Variants in FBXL13 observed in about 807,000 individuals in gnomAD.
FBXL13 encodes F-box and leucine rich repeat protein 13, also known as F-box and leucine-rich repeat protein 13.
FBXL13 carries 67 observed loss-of-function variants against 83.6 expected under a neutral mutation model. That is an observed-to-expected ratio of 0.80 (90% CI 0.66 to 0.98). The LOEUF (loss-of-function observed/expected upper bound fraction) is 0.98, where lower values mean the gene tolerates loss of function less well. Among genes scored for constraint, FBXL13 ranks in the 50% least tolerant of loss-of-function variants. The pLI is 0.00. For synonymous variants in FBXL13, 272 were observed against 299.5 expected (o/e 0.91, Z 0.95); for missense variants, 822 against 866.5 (o/e 0.95, Z 0.64).
At chr7:102,854,909 G>A (rs1178606594) in intron 16 of FBXL13, 49 bp from the exon 18 acceptor site, 5 of 1,083,270 alleles carry the variant, frequency 4.6e-6, no homozygotes, top group Middle Eastern at 2.3e-4. Context: ...ATTTAGTATG[G>A]AATATATAGT....
intron 16 of FBXL13, among the ~76,000 whole-genome samples, chr7:102,869,228 A>G (rs1375578629): frequency 6.6e-6 from 1 of 152,162 alleles, no homozygotes; most frequent in East Asian, 1.9e-4. Flanking sequence ...CCCTGGTGTT[A>G]ATGATGTTGA....
At chr7:103,015,371 G>T (rs534066621) in intron 6 of FBXL13, among the ~76,000 whole-genome samples, 6 of 152,150 alleles carry the variant, frequency 3.9e-5, no homozygotes, top group Admixed American at 3.9e-4. Context: ...AGAAATAAAA[G>T]ATGCTCAAAG....
chr7:103,002,225 G>A (rs375666171), intron 6 of FBXL13, among the ~76,000 whole-genome samples: 2 of 152,060 alleles, frequency 1.3e-5, no homozygotes, highest in African/African-American at 4.8e-5. Flanking sequence ...AAATCTTATA[G>A]AAATGGCAAG....
chr7:102,909,351 T>A (rs531893114), intron 11 of FBXL13, among the ~76,000 whole-genome samples: 1 of 152,250 alleles, frequency 6.6e-6, no homozygotes, highest in Non-Finnish European at 1.5e-5. Flanking sequence ...AGTCAAGTCC[T>A]GGAATCGCGG....
chr7:102,979,986 C>T (rs1359096369), intron 6 of FBXL13, among the ~76,000 whole-genome samples: 1 of 152,074 alleles, frequency 6.6e-6, no homozygotes, highest in Non-Finnish European at 1.5e-5. Context: ...ACCATTCTAT[C>T]AAATATCCAA....
chr7:102,848,273 G>GTGTGTACGGATATTATATAA (rs1299866637), intron 17 of FBXL13, among the ~76,000 whole-genome samples: 6 of 116,164 alleles, frequency 5.2e-5, no homozygotes, highest in South Asian at 2.7e-4. Context: ...ATACACATTC[G>GTGTGTACGGATATTATATAA]AGGCCGGGCG....
At chr7:102,985,158 C>T (rs1278416635) in intron 6 of FBXL13, among the ~76,000 whole-genome samples, 1 of 152,188 alleles carries the variant, frequency 6.6e-6, no homozygotes, top group Non-Finnish European at 1.5e-5. Context: ...GGCTTCATAC[C>T]CACACCACTG....
At chr7:102,922,386 C>T (rs1817225375) in intron 10 of FBXL13, among the ~76,000 whole-genome samples, 1 of 151,730 alleles carries the variant, frequency 6.6e-6, no homozygotes, top group Non-Finnish European at 1.5e-5. Flanking sequence ...TCAAATCATG[C>T]AAATGCAAAA....
intron 6 of FBXL13, among the ~76,000 whole-genome samples, chr7:102,977,307 T>C (rs1827615119): frequency 6.6e-6 from 1 of 152,362 alleles, no homozygotes; most frequent in Middle Eastern, 3.4e-3. Context: ...AAAACAAATG[T>C]GCGTGGCAAT....
At chr7:102,973,854 T>C (rs1585199611) in intron 6 of FBXL13, 2 of 700,054 alleles carry the variant, frequency 2.9e-6, no homozygotes, top group East Asian at 5.4e-5. Context: ...CCAACATTGG[T>C]CCAAGAAGGC....
intron 8 of FBXL13, among the ~76,000 whole-genome samples, chr7:102,953,157 G>A (rs1310608153): frequency 2.0e-5 from 3 of 152,144 alleles, no homozygotes; most frequent in Admixed American, 1.3e-4. Flanking sequence ...CTCATTCGAT[G>A]AAGCCAATAT....
In FBXL13 at chr7:102,985,810, T is replaced by G. The variant is rs533774616; in HGVS notation, c.496-17693A>C. On this transcript the variant is annotated intron_variant, in intron 6 of 19. Coordinates refer to ENST00000313221, the Ensembl canonical transcript of FBXL13. The stretch of plus-strand genomic sequence containing the variant: ...TCATGTAATGGGGGAAAAACAACAT[T>G]TAGATTCAAACAAACCCAATCTCAA... Among the ~76,000 whole-genome samples, 4 of 152,272 alleles carry G rather than the reference T, an allele frequency of 2.6e-5. No individual in the cohort carries two copies. The South Asian group carries it at 8.3e-4, about 32-fold the overall frequency.
At chr7:102,821,318 G>A (rs1161974871) in intron 19 of FBXL13, among the ~76,000 whole-genome samples, 3 of 152,126 alleles carry the variant, frequency 2.0e-5, no homozygotes, top group Non-Finnish European at 4.4e-5. Context: ...CTGCAGGCCT[G>A]GGCCCAGTGG....
intron 2 of FBXL13, among the ~76,000 whole-genome samples, chr7:103,036,724 C>A (rs548997333): frequency 6.6e-6 from 1 of 152,240 alleles, no homozygotes; most frequent in South Asian, 2.1e-4. Flanking sequence ...GTTGCCCAGG[C>A]TGCTCTTGAA....
intron 11 of FBXL13, among the ~76,000 whole-genome samples, chr7:102,895,492 C>T (rs534284633): frequency 1.8e-4 from 27 of 152,352 alleles, no homozygotes; most frequent in African/African-American, 6.3e-4. Context: ...TCTTCTCCAA[C>T]TCCACATTCA....
chr7:102,973,400 G>A, intron 6 of FBXL13: 2 of 694,140 alleles, frequency 2.9e-6, no homozygotes, highest in Non-Finnish European at 5.3e-6. Flanking sequence ...CGAGAAACAG[G>A]CCATCTGGGT....
At chr7:103,037,082 A>G (rs1795144705) in intron 2 of FBXL13, among the ~76,000 whole-genome samples, 1 of 152,220 alleles carries the variant, frequency 6.6e-6, no homozygotes, top group African/African-American at 2.4e-5. Context: ...ATATCATATC[A>G]TTATTATATG....
intron 19 of FBXL13, among the ~76,000 whole-genome samples, chr7:102,813,834 G>T (rs1797632754): frequency 6.6e-6 from 1 of 152,122 alleles, no homozygotes; most frequent in Non-Finnish European, 1.5e-5. Flanking sequence ...CTTTAAGTAA[G>T]CCCCTTCCTT....
chr7:102,982,614 T>C (rs1313980682), intron 6 of FBXL13, among the ~76,000 whole-genome samples: 1 of 152,162 alleles, frequency 6.6e-6, no homozygotes, highest in Non-Finnish European at 1.5e-5. Context: ...CATGGACCCA[T>C]TGAGGCATTT....
Sources: allele counts gnomAD v4.1 joint callset (sites outside exome capture counted in the v4.1 genomes callset), GRCh38; gene constraint gnomAD v4.1.1; transcripts MANE v1.5; gene names NCBI Gene and HGNC (gene_info 2026-07-23, HGNC 2026-07-21).